The following SCP2 variants were observed in gnomAD, a reference collection of about 807,000 sequenced individuals.
SCP2 encodes the protein sterol carrier protein 2.
In SCP2, 48 loss-of-function variants were observed where a neutral mutation model predicts 71.4. The observed-to-expected ratio is 0.67, with a 90% CI of 0.53 to 0.86. The LOEUF (loss-of-function observed/expected upper bound fraction) is 0.86. Ranked by LOEUF, SCP2 falls within the 40% of genes least tolerant of loss-of-function variation. SCP2 has a pLI of 0.00. For missense variants in SCP2, 560 were observed against 655.6 expected (o/e 0.85, Z 1.59); for synonymous variants, 220 against 218.1 (o/e 1.01, Z -0.08).
intron 1 of SCP2, among the ~76,000 whole-genome samples, chr1:52,928,508 C>T (rs1250199798): frequency 6.6e-6 from 1 of 152,198 alleles, no homozygotes; most frequent in East Asian, 1.9e-4. Context: ...AGGCCGGGGC[C>T]GGTGGCTCAC....
At chr1:53,031,923 T>G (rs1436461276) in intron 13 of SCP2, among the ~76,000 whole-genome samples, 2 of 152,146 alleles carry the variant, frequency 1.3e-5, no homozygotes, top group African/African-American at 4.8e-5. Context: ...TGCTGTAACT[T>G]GTTGGTGTCT....
intron 6 of SCP2, among the ~76,000 whole-genome samples, chr1:52,966,853 A>G (rs944248389): frequency 4.0e-5 from 6 of 151,844 alleles, no homozygotes; most frequent in African/African-American, 9.7e-5. Context: ...AGATCATGCC[A>G]TTGTACTCCA....
intron 6 of SCP2, among the ~76,000 whole-genome samples, chr1:52,966,998 G>A (rs1657026701): frequency 6.6e-6 from 1 of 151,954 alleles, no homozygotes; most frequent in African/African-American, 2.4e-5. Flanking sequence ...GATCAGCCTG[G>A]TCAGCATGGT....
At chr1:52,950,146 G>A (rs1300382084) in intron 3 of SCP2, among the ~76,000 whole-genome samples, 1 of 150,936 alleles carries the variant, frequency 6.6e-6, no homozygotes, top group Non-Finnish European at 1.5e-5. Context: ...ATTTGAGACC[G>A]AGTCTCTCTC....
chr1:53,041,404 GAA>G (rs59762469), intron 14 of SCP2, among the ~76,000 whole-genome samples: 6 of 132,984 alleles, frequency 4.5e-5, no homozygotes, highest in African/African-American at 1.3e-4. Flanking sequence ...TCTGTCTTGA[GAA>G]AAAAAAAAAA....
intron 3 of SCP2, 50 bp downstream of exon 3, chr1:52,948,130 C>A: frequency 9.1e-7 from 1 of 1,104,788 alleles, no homozygotes; most frequent in Non-Finnish European, 1.4e-6. Flanking sequence ...AATCTAGCAG[C>A]AACTATACAA....
At chr1:53,041,131 C>T (rs550932898) in intron 14 of SCP2, among the ~76,000 whole-genome samples, 6 of 151,988 alleles carry the variant, frequency 3.9e-5, no homozygotes, top group Non-Finnish European at 8.8e-5. Flanking sequence ...GGGCTGGGCA[C>T]GGTGGCTCAC....
At chr1:52,936,545 T>A (rs1236740230) in intron 1 of SCP2, among the ~76,000 whole-genome samples, 1 of 152,226 alleles carries the variant, frequency 6.6e-6, no homozygotes, top group Non-Finnish European at 1.5e-5. Context: ...TACATGAGTA[T>A]GCAATCTGCA....
chr1:53,002,952 T>G (rs1478770620), intron 11 of SCP2, among the ~76,000 whole-genome samples: 3 of 152,226 alleles, frequency 2.0e-5, no homozygotes, highest in African/African-American at 7.2e-5. Context: ...TATAAACTCT[T>G]AAAAAGCCAG....
At chr1:52,943,324 G>A (rs1210504739) in intron 2 of SCP2, among the ~76,000 whole-genome samples, 4 of 151,472 alleles carry the variant, frequency 2.6e-5, no homozygotes, top group Non-Finnish European at 5.9e-5. Context: ...CCGGGTTCAC[G>A]CTATTCTCCT....
intron 9 of SCP2, 28 bp from the exon 10 acceptor site, chr1:52,980,368 C>T (rs888611750): frequency 2.5e-6 from 4 of 1,609,096 alleles, no homozygotes; most frequent in Non-Finnish European, 3.4e-6. Flanking sequence ...TTTTGGTGCC[C>T]TTTATTTATA....
intron 12 of SCP2, among the ~76,000 whole-genome samples, chr1:53,015,697 G>A (rs1661288993): frequency 6.6e-6 from 1 of 151,988 alleles, no homozygotes; most frequent in Non-Finnish European, 1.5e-5. Context: ...CTTTCCCTCT[G>A]TCAGCATACA....
chr1:52,959,251 A>G (rs1656104040), intron 5 of SCP2, among the ~76,000 whole-genome samples: 2 of 151,420 alleles, frequency 1.3e-5, no homozygotes, highest in African/African-American at 4.9e-5. Context: ...GCTGGAGTAC[A>G]ATGGTGCAGT....
At chr1:53,045,829 C>G (rs555768465) in intron 14 of SCP2, among the ~76,000 whole-genome samples, 1 of 152,254 alleles carries the variant, frequency 6.6e-6, no homozygotes, top group South Asian at 2.1e-4. Context: ...TCCATTACCC[C>G]AGAAAGTGTC....
chr1:52,994,047 T>G, intron 11 of SCP2: 1 of 1,160,144 alleles, frequency 8.6e-7, no homozygotes, highest in Non-Finnish European at 1.1e-6. Flanking sequence ...CGTATCTGTA[T>G]GTAAATGTTG....
intron 5 of SCP2, among the ~76,000 whole-genome samples, chr1:52,957,915 T>C (rs1056879086): frequency 1.3e-5 from 2 of 151,670 alleles, no homozygotes; most frequent in Non-Finnish European, 2.9e-5. Context: ...TTCCATTATA[T>C]TGCCTTTGCT....
chr1:53,030,725 C>CT, intron 13 of SCP2, among the ~76,000 whole-genome samples: 1 of 151,928 alleles, frequency 6.6e-6, no homozygotes, highest in African/African-American at 2.4e-5. Flanking sequence ...AACCCTGTCT[C>CT]TACTAAAAAT....
At chr1:52,987,978 T>A in intron 10 of SCP2, 51 bp from the exon 11 acceptor site, 4 of 939,148 alleles carry the variant, frequency 4.3e-6, no homozygotes, top group Admixed American at 3.4e-5. Context: ...AGCATATCAT[T>A]TGTTCTATTG....
intron 11 of SCP2, among the ~76,000 whole-genome samples, chr1:53,000,979 A>G (rs867229034): frequency 6.6e-6 from 1 of 151,882 alleles, no homozygotes. Context: ...AATTATATAT[A>G]TATATTACAT....
Sources: gnomAD v4.1 joint callset for allele counts (sites outside exome capture counted in the v4.1 genomes callset) on GRCh38, gnomAD v4.1.1 for gene constraint, MANE v1.5 for transcripts, NCBI Gene and HGNC (gene_info 2026-07-23, HGNC 2026-07-21) for gene names.